The following CFAP43 variants were observed in gnomAD, a reference collection of about 807,000 sequenced individuals.
CFAP43 encodes the protein cilia and flagella associated protein 43.
In CFAP43, 155 loss-of-function variants were observed where a neutral mutation model predicts 218.9. The observed-to-expected ratio is 0.71, with a 90% CI of 0.62 to 0.81. The LOEUF (loss-of-function observed/expected upper bound fraction) is 0.81. CFAP43 is among the 30% of genes least tolerant of loss of function. CFAP43 has a pLI of 0.00. For synonymous variants in CFAP43, 645 were observed against 681.3 expected, an observed-to-expected ratio of 0.95 and a Z score of 0.83; for missense variants, 1,778 against 1,954.3, an observed-to-expected ratio of 0.91 and a Z score of 1.70.
intron 7 of CFAP43, among the ~76,000 whole-genome samples, chr10:104,205,749 T>A (rs139146689): frequency 6.6e-6 from 1 of 152,188 alleles, no homozygotes. Context: ...TTTGCAGTAA[T>A]ATATGGTAGT....
intron 21 of CFAP43, 70 bp downstream of exon 21, chr10:104,168,674 T>G: frequency 7.4e-7 from 1 of 1,355,126 alleles, no homozygotes; most frequent in South Asian, 1.2e-5. Context: ...CTTAAATTTA[T>G]TTTTAAAACT....
At chr10:104,149,872 T>G (rs1330080408) in intron 28 of CFAP43, among the ~76,000 whole-genome samples, 8 of 152,214 alleles carry the variant, frequency 5.3e-5, no homozygotes. Context: ...CAATCAATTT[T>G]AGAACATTTC....
At position 104,144,414 on chromosome 10, in the gene CFAP43, G is replaced by A. The variant is rs751506329; in HGVS notation, c.3945-775C>T. Among the ~76,000 whole-genome samples, 32 of 152,168 alleles carry A rather than the reference G, an allele frequency of 2.1e-4. 1 individual carries two copies. Among genetic ancestry groups the A allele is most frequent in the Admixed American group, 2.1e-3 (32 of 15,288 alleles). On this transcript the variant is annotated intron_variant, in intron 31 of 37. Transcript: ENST00000357060. ...ACCTATAATCCCAACACTTTGGGAG[G>A]TTGAGATGGGTGGATCACGAGGTCA...
chr10:104,210,851 C>A (rs557609905), intron 5 of CFAP43, among the ~76,000 whole-genome samples: 1 of 125,112 alleles, frequency 8.0e-6, no homozygotes, highest in Non-Finnish European at 1.6e-5. Flanking sequence ...AGTGCAGTGG[C>A]GTGATCTCGA....
chr10:104,230,423 C>T lies in CFAP43; in HGVS notation c.319+167G>A, dbSNP rs186478675. On this transcript the variant is annotated intron_variant, in intron 2 of 37. Transcript: ENST00000357060. Reference sequence around the variant, plus strand: ...GAGATTGCAGTGAGCCAAGATCGCACCACTGCACTCCAGCCTAGGCAACAG... The same window carrying T: ...GAGATTGCAGTGAGCCAAGATCGCATCACTGCACTCCAGCCTAGGCAACAG... Among the ~76,000 whole-genome samples the T allele has an allele frequency of 4.1e-3, 620 of 152,270 alleles. 1 individual carries two copies. Among genetic ancestry groups the T allele is most frequent in the Non-Finnish European group, 6.7e-3 (456 of 68,020 alleles).
chr10:104,173,400 C>A (rs2089488146), intron 19 of CFAP43, among the ~76,000 whole-genome samples: 1 of 152,198 alleles, frequency 6.6e-6, no homozygotes, highest in Non-Finnish European at 1.5e-5. Context: ...CAGCACAGCA[C>A]TCAACAACGA....
chr10:104,153,984 A>C (rs2088411881), intron 27 of CFAP43, among the ~76,000 whole-genome samples: 1 of 152,186 alleles, frequency 6.6e-6, no homozygotes, highest in Non-Finnish European at 1.5e-5. Flanking sequence ...ACACTATGTA[A>C]GTTATGTTAT....
At chr10:104,214,813 C>T (rs1203419215) in intron 3 of CFAP43, among the ~76,000 whole-genome samples, 1 of 152,106 alleles carries the variant, frequency 6.6e-6, no homozygotes, top group South Asian at 2.1e-4. Flanking sequence ...CTGTTCTCAT[C>T]GATGCCAATT....
chr10:104,226,163 T>G (rs1052044618), intron 2 of CFAP43, among the ~76,000 whole-genome samples: 1 of 152,056 alleles, frequency 6.6e-6, no homozygotes, highest in Non-Finnish European at 1.5e-5. Flanking sequence ...CAGTACAGAG[T>G]GGTCTGATTT....
intron 16 of CFAP43, among the ~76,000 whole-genome samples, chr10:104,183,166 C>T (rs535577961): frequency 1.3e-5 from 2 of 152,294 alleles, no homozygotes; most frequent in Admixed American, 6.5e-5. Context: ...GCATTGCAAA[C>T]TTTGGACGCA....
Position 104,140,938 on chromosome 10 carries a change from T to C in CFAP43, c.4335A>G (p.Gly1445=), listed in dbSNP as rs1479546484. The C allele has an allele frequency of 6.2e-7, 1 of 1,613,520 alleles. No individual in the cohort carries two copies. Among genetic ancestry groups the C allele is most frequent in the Admixed American group, 1.7e-5 (1 of 59,990 alleles). The change falls in exon 34 of 38, where the codon GGA becomes GGG. Residue 1445 remains glycine (G), a synonymous_variant. Transcript: ENST00000357060. ...NLTIQILLKQ[G]QVELENFQLV... ...GCTGGAAATTTTCCAGTTCTACTTG[T>C]CCTTGTTTAAGAAGAATTTGGATTG...
Position 104,167,633 on chromosome 10 carries a change from T to C in CFAP43, c.2796A>G (p.Ala932=), listed in dbSNP as rs747188356. ...TTTAAAATAGTACTTTAAGACACTCTGCTTCAATCTTCTTTTGCTGTAAAA... is the reference window on the plus strand; with the variant it reads ...TTTAAAATAGTACTTTAAGACACTCCGCTTCAATCTTCTTTTGCTGTAAAA... ...ERVLQQKKIE[A]ECLKLRKEIV... The change falls in exon 22 of 38, where the codon GCA becomes GCG. Residue 932 remains alanine (A), a synonymous_variant. Coordinates refer to ENST00000357060, the MANE Select transcript of CFAP43 (RefSeq NM_025145.7). 8.0e-5 allele frequency: 129 copies of C among 1,608,112 alleles called. No homozygotes were observed. The highest frequency in any genetic ancestry group is 5.3e-4 in the Admixed American group (31 of 57,982).
chr10:104,171,561 C>T (rs1006518219), intron 20 of CFAP43, among the ~76,000 whole-genome samples: 3 of 152,220 alleles, frequency 2.0e-5, no homozygotes, highest in Non-Finnish European at 4.4e-5. Flanking sequence ...TCCACCTTAA[C>T]TGTCCTTGAA....
Position 104,196,961 on chromosome 10 carries a change from A to G in CFAP43, c.1213-28T>C. 3.2e-6 allele frequency: 5 copies of G among 1,576,520 alleles called. No homozygotes were observed. The Admixed American group carries it at 5.3e-5, about 17-fold the overall frequency. ...GTAAAAAAAGAAAAACAAAAACTCT[A>G]CATGGAAAATAAGACTTTCCTATGG... On this transcript the variant is annotated intron_variant, in intron 9 of 37. Transcript: ENST00000357060.
Position 104,147,956 on chromosome 10 carries a change from C to G in CFAP43, c.3703G>C (p.Asp1235His). 6.3e-7 allele frequency: 1 copy of G among 1,599,034 alleles called. No homozygotes were observed. The highest frequency in any genetic ancestry group is 1.1e-5 in the South Asian group (1 of 88,606). Reference protein sequence around the residue: ...ISNLAFSLLLDEELSSREKFL... With the variant: ...ISNLAFSLLLHEELSSREKFL... Reference sequence around the variant, plus strand: ...TTTTCTCTAGAGCTTAATTCTTCATCCAACAATAAAGAAAATGCAAGGTTA... The same window carrying G: ...TTTTCTCTAGAGCTTAATTCTTCATGCAACAATAAAGAAAATGCAAGGTTA... Residue 1235 changes from aspartate to histidine, a missense_variant, in exon 29 of 38, where the codon GAT (aspartate) becomes CAT (histidine). Around this residue, in one of 3 missense-constraint regions of CFAP43, gnomAD observed 1,553 missense variants for 1,685.2 expected, o/e 0.92. Transcript: ENST00000357060.
At position 104,146,854 on chromosome 10, in the gene CFAP43, C is replaced by G. The variant is rs558718411; in HGVS notation, c.3769-505G>C. Among the ~76,000 whole-genome samples, 15 of 152,262 alleles carry G rather than the reference C, an allele frequency of 9.9e-5. No individual in the cohort carries two copies. In the South Asian group the frequency reaches 3.1e-3, roughly 32 times the overall value. On this transcript the variant is annotated intron_variant, in intron 29 of 37. Transcript: ENST00000357060. ...GTCCCCATTTCCAACCTAGGACCAT[C>G]CAGAGAAAGCCAAATATGTTCCCTA...
At chr10:104,141,156 C>T (rs1016438328) in intron 33 of CFAP43, among the ~76,000 whole-genome samples, 155 bp from the exon 34 acceptor site, 5 of 152,158 alleles carry the variant, frequency 3.3e-5, no homozygotes, top group African/African-American at 9.7e-5. Flanking sequence ...AGAGGTCTCT[C>T]TGAAACCTCT....
At chr10:104,191,792 G>GC (rs1564780528) in intron 12 of CFAP43, among the ~76,000 whole-genome samples, 1 of 43,386 alleles carries the variant, frequency 2.3e-5, no homozygotes, top group Non-Finnish European at 4.2e-5. Flanking sequence ...GTGTGTGTGG[G>GC]GGGGGGGAAA....
At chr10:104,183,579 C>T (rs971789714) in intron 16 of CFAP43, among the ~76,000 whole-genome samples, 13 of 151,950 alleles carry the variant, frequency 8.6e-5, no homozygotes, top group Non-Finnish European at 1.5e-4. Context: ...TTAGTAGAGA[C>T]GGGGTTTCAC....
Sources: allele counts gnomAD v4.1 joint callset (sites outside exome capture counted in the v4.1 genomes callset), GRCh38; gene constraint gnomAD v4.1.1; regional missense constraint gnomAD v4.1.1; transcripts MANE v1.5; gene names NCBI Gene and HGNC (gene_info 2026-07-23, HGNC 2026-07-21).